The following UTRN variants were observed in gnomAD, a reference collection of about 807,000 sequenced individuals.
The protein encoded by UTRN is utrophin, also known as dystrophin-related protein 1.
A neutral mutation model predicts 463.9 loss-of-function variants in UTRN; 283 were observed. The ratio of observed to expected loss-of-function variants is 0.61; its 90% confidence interval spans 0.55 to 0.67. UTRN has a LOEUF of 0.67. Ranked by LOEUF, UTRN falls within the 30% of genes least tolerant of loss-of-function variation. The pLI is 0.00. For missense variants in UTRN, 3,922 were observed against 4,084.3 expected, an observed-to-expected ratio of 0.96 and a Z score of 1.08; for synonymous variants, 1,442 against 1,431.5, an observed-to-expected ratio of 1.01 and a Z score of -0.17.
At chr6:144,721,067 T>C (rs1178907959) in intron 53 of UTRN, among the ~76,000 whole-genome samples, 1 of 152,210 alleles carries the variant, frequency 6.6e-6, no homozygotes, top group Non-Finnish European at 1.5e-5. Flanking sequence ...GGGAGAAAAT[T>C]TGAATGTTTT....
chr6:144,690,058 G>T (rs532562307), intron 52 of UTRN, among the ~76,000 whole-genome samples: 2 of 124,276 alleles, frequency 1.6e-5, no homozygotes, highest in South Asian at 5.9e-4. Flanking sequence ...GGGCCATAGA[G>T]CTCCCAAAAG....
At chr6:144,360,067 C>T (rs1562292199) in intron 2 of UTRN, among the ~76,000 whole-genome samples, 1 of 103,830 alleles carries the variant, frequency 9.6e-6, no homozygotes, top group African/African-American at 5.6e-5. Context: ...CTTCCCTTCC[C>T]TTCCCTTCCC....
intron 33 of UTRN, 96 bp downstream of exon 33, chr6:144,493,552 T>C: frequency 7.2e-7 from 1 of 1,384,266 alleles, no homozygotes; most frequent in Non-Finnish European, 9.5e-7. Context: ...ATTTTTAAAT[T>C]TCATTTTTTG....
At chr6:144,417,897 A>T (rs1321153673) in intron 3 of UTRN, among the ~76,000 whole-genome samples, 1 of 152,116 alleles carries the variant, frequency 6.6e-6, no homozygotes, top group Non-Finnish European at 1.5e-5. Flanking sequence ...TGACACTACC[A>T]TGTTCTCATG....
At chr6:144,515,502 G>A (rs1038159404) in intron 37 of UTRN, among the ~76,000 whole-genome samples, 3 of 150,838 alleles carry the variant, frequency 2.0e-5, no homozygotes, top group African/African-American at 7.3e-5. Flanking sequence ...TTTATATGAC[G>A]ACAAATCTAA....
intron 10 of UTRN, among the ~76,000 whole-genome samples, chr6:144,436,916 ATATATG>A (rs892308631): frequency 2.7e-5 from 4 of 145,790 alleles, no homozygotes; most frequent in African/African-American, 5.0e-5. Context: ...TTTATATATT[ATATATG>A]TATATGTATA....
chr6:144,776,960 A>T (rs919137739), intron 60 of UTRN, among the ~76,000 whole-genome samples: 1 of 152,114 alleles, frequency 6.6e-6, no homozygotes, highest in South Asian at 2.1e-4. Context: ...TCCTCATAGA[A>T]CTGTTCTTTT....
chr6:144,678,645 T>C (rs1781894100), intron 52 of UTRN, 67 bp downstream of exon 52: 3 of 1,411,532 alleles, frequency 2.1e-6, no homozygotes, highest in Non-Finnish European at 2.8e-6. Context: ...GATTTTTGTA[T>C]ATCAGAAAGA....
intron 51 of UTRN, among the ~76,000 whole-genome samples, chr6:144,663,711 C>G (rs1780111415): frequency 6.6e-6 from 1 of 152,134 alleles, no homozygotes; most frequent in African/African-American, 2.4e-5. Flanking sequence ...CTCTTGGTGA[C>G]TCCTTGGGCA....
At chr6:144,346,750 G>A (rs993426500) in intron 2 of UTRN, among the ~76,000 whole-genome samples, 2 of 152,132 alleles carry the variant, frequency 1.3e-5, no homozygotes, top group Non-Finnish European at 2.9e-5. Context: ...TTGAACCCGG[G>A]AGGCGGGGGT....
At chr6:144,327,406 C>A (rs932932591) in intron 2 of UTRN, among the ~76,000 whole-genome samples, 1 of 152,114 alleles carries the variant, frequency 6.6e-6, no homozygotes, top group African/African-American at 2.4e-5. Context: ...CCAGGGCCTG[C>A]TGGCTGCCCT....
intron 2 of UTRN, among the ~76,000 whole-genome samples, chr6:144,304,844 G>A (rs556237703): frequency 5.9e-5 from 9 of 151,784 alleles, no homozygotes; most frequent in African/African-American, 2.2e-4. Flanking sequence ...TTAAAATTCT[G>A]AAGTATTCAA....
intron 61 of UTRN, 29 bp from the exon 62 acceptor site, chr6:144,789,165 C>G: frequency 4.5e-6 from 7 of 1,570,868 alleles, no homozygotes; most frequent in Non-Finnish European, 6.1e-6. Context: ...TTAAATGCAT[C>G]TAACACATTA....
At chr6:144,736,566 ACCAAT>A (rs1418502207) in intron 54 of UTRN, among the ~76,000 whole-genome samples, 4 of 152,080 alleles carry the variant, frequency 2.6e-5, no homozygotes, top group Admixed American at 6.6e-5. Flanking sequence ...TTTCCTCCAT[ACCAAT>A]CTTATGCTAG....
At chr6:144,835,023 T>C (rs1169254391) in intron 69 of UTRN, among the ~76,000 whole-genome samples, 3 of 152,242 alleles carry the variant, frequency 2.0e-5, no homozygotes, top group Admixed American at 2.0e-4. Flanking sequence ...TGGATCTCTC[T>C]TGTTGAAAGA....
intron 2 of UTRN, among the ~76,000 whole-genome samples, chr6:144,356,632 G>A (rs1302496814): frequency 6.6e-6 from 1 of 152,164 alleles, no homozygotes; most frequent in African/African-American, 2.4e-5. Flanking sequence ...GGCTAACATG[G>A]TGAAACCCCA....
chr6:144,339,096 C>T (rs1260042107), intron 2 of UTRN, among the ~76,000 whole-genome samples: 1 of 152,178 alleles, frequency 6.6e-6, no homozygotes, highest in Non-Finnish European at 1.5e-5. Flanking sequence ...TCTGGTTCAG[C>T]AGCACCTCTG....
chr6:144,320,768 G>T (rs77775285), intron 2 of UTRN, among the ~76,000 whole-genome samples: 2 of 152,326 alleles, frequency 1.3e-5, no homozygotes, highest in East Asian at 3.9e-4. Context: ...TTCAGTCGTG[G>T]TCTGAGCTTT....
chr6:144,849,631 A>C (rs1210921088), intron 74 of UTRN, among the ~76,000 whole-genome samples: 1 of 150,574 alleles, frequency 6.6e-6, no homozygotes, highest in Non-Finnish European at 1.5e-5. Context: ...TCATTTTTTC[A>C]TGTCTTGGGT....
Sources: gnomAD v4.1 joint callset for allele counts (sites outside exome capture counted in the v4.1 genomes callset) on GRCh38, gnomAD v4.1.1 for gene constraint, MANE v1.5 for transcripts, NCBI Gene and HGNC (gene_info 2026-07-23, HGNC 2026-07-21) for gene names.